The following ABI3BP variants were observed in gnomAD, a reference collection of about 807,000 sequenced individuals.
The protein encoded by ABI3BP is target of Nesh-SH3.
In ABI3BP, 216 loss-of-function variants were observed where a neutral mutation model predicts 268.6. That is an observed-to-expected ratio of 0.80 (90% CI 0.72 to 0.90). The LOEUF (loss-of-function observed/expected upper bound fraction) is 0.90, where lower values mean the gene tolerates loss of function less well. Ranked by LOEUF, ABI3BP falls within the 40% of genes least tolerant of loss-of-function variation. The pLI is 0.00. For missense variants in ABI3BP, 2,090 were observed against 2,182.4 expected (o/e 0.96, Z 0.84); for synonymous variants, 730 against 730.0 (o/e 1.00, Z 0.00).
chr3:100,949,790 G>T (rs1177619366), intron 1 of ABI3BP, among the ~76,000 whole-genome samples: 1 of 152,146 alleles, frequency 6.6e-6, no homozygotes, highest in Non-Finnish European at 1.5e-5. Context: ...ATCTGATCCT[G>T]TAAGGAGTGG....
intron 62 of ABI3BP, among the ~76,000 whole-genome samples, chr3:100,767,792 G>T (rs2096351693): frequency 6.6e-6 from 1 of 152,070 alleles, no homozygotes; most frequent in Non-Finnish European, 1.5e-5. Context: ...TCAACAGGTG[G>T]TACCTATTAT....
At chr3:100,946,333 C>G (rs2072251904) in intron 1 of ABI3BP, among the ~76,000 whole-genome samples, 1 of 142,646 alleles carries the variant, frequency 7.0e-6, no homozygotes, top group Non-Finnish European at 1.5e-5. Flanking sequence ...TCATGCCACA[C>G]ATTCCAGCTT....
intron 9 of ABI3BP, among the ~76,000 whole-genome samples, chr3:100,869,333 T>TTTTTTTTTTTTTTG: frequency 6.2e-5 from 1 of 16,076 alleles, no homozygotes; most frequent in African/African-American, 1.4e-4. Context: ...CTTTTTGGTT[T>TTTTTTTTTTTTTTG]TTTTTTTTTT....
intron 1 of ABI3BP, among the ~76,000 whole-genome samples, chr3:100,972,209 G>A (rs561145669): frequency 3.3e-5 from 5 of 152,276 alleles, no homozygotes; most frequent in African/African-American, 1.2e-4. Context: ...AAATTAAAGT[G>A]AGATAATTGT....
At chr3:100,847,484 G>A (rs2098783792) in intron 19 of ABI3BP, 118 bp downstream of exon 19, 2 of 900,300 alleles carry the variant, frequency 2.2e-6, no homozygotes, top group Non-Finnish European at 3.6e-6. Flanking sequence ...GGGCCATGCT[G>A]TTCAAATGAA....
At chr3:100,839,152 T>C (rs2098654462) in intron 24 of ABI3BP, among the ~76,000 whole-genome samples, 1 of 152,190 alleles carries the variant, frequency 6.6e-6, no homozygotes, top group Admixed American at 6.5e-5. Context: ...CATTATTTCA[T>C]GCAACTTTTT....
chr3:100,927,529 A>G (rs890573540), intron 1 of ABI3BP, among the ~76,000 whole-genome samples: 5 of 152,160 alleles, frequency 3.3e-5, no homozygotes, highest in Non-Finnish European at 7.4e-5. Context: ...CATGGTTCCT[A>G]AGGCTGTACA....
chr3:100,936,372 G>T (rs1474339665), intron 1 of ABI3BP, among the ~76,000 whole-genome samples: 1 of 152,014 alleles, frequency 6.6e-6, no homozygotes, highest in Admixed American at 6.6e-5. Flanking sequence ...GCTGGATTTG[G>T]TTTGCCAGTA....
At chr3:100,766,032 G>T (rs2149715434) in intron 62 of ABI3BP, 83 bp from the exon 63 acceptor site, 2 of 1,008,554 alleles carry the variant, frequency 2.0e-6, no homozygotes, top group Admixed American at 2.1e-5. Flanking sequence ...GCATAAAAAA[G>T]CCACTTACAT....
At chr3:100,862,264 A>T in intron 14 of ABI3BP, 47 bp downstream of exon 14, 1 of 1,262,178 alleles carries the variant, frequency 7.9e-7, no homozygotes, top group Non-Finnish European at 1.1e-6. Flanking sequence ...TAAGTTACTC[A>T]ATATTCCTTG....
chr3:100,945,443 A>G (rs899798330), intron 1 of ABI3BP: 6 of 213,796 alleles, frequency 2.8e-5, no homozygotes, highest in Admixed American at 5.7e-5. Context: ...ATCATAATCT[A>G]TATTCAGAAC....
chr3:100,795,873 G>T, intron 52 of ABI3BP, 22 bp from the exon 53 acceptor site: 1 of 1,277,494 alleles, frequency 7.8e-7, no homozygotes, highest in Non-Finnish European at 1.0e-6. Context: ...GCAAGCCAAA[G>T]GAACATATTT....
At chr3:100,808,131 T>G in intron 50 of ABI3BP, 30 bp downstream of exon 50, 1 of 1,595,012 alleles carries the variant, frequency 6.3e-7, no homozygotes, top group Non-Finnish European at 8.6e-7. Context: ...CCTCAAACTT[T>G]TCAAGCTAAA....
intron 58 of ABI3BP, among the ~76,000 whole-genome samples, chr3:100,779,414 C>A (rs930573954): frequency 2.6e-4 from 40 of 152,280 alleles, no homozygotes; most frequent in African/African-American, 8.9e-4. Context: ...TAAACAGGCA[C>A]CTTTTTATAA....
intron 31 of ABI3BP, 57 bp downstream of exon 31, chr3:100,832,207 A>T: frequency 6.8e-7 from 1 of 1,468,112 alleles, no homozygotes; most frequent in Admixed American, 2.0e-5. Flanking sequence ...CATAGAACTT[A>T]CAGTCCCAAC....
intron 1 of ABI3BP, among the ~76,000 whole-genome samples, chr3:100,954,980 T>C (rs1483949272): frequency 3.4e-5 from 1 of 29,672 alleles, no homozygotes; most frequent in East Asian, 7.5e-4. Flanking sequence ...TTTGTCTTTT[T>C]TTTTTTTTTT....
At chr3:100,966,923 C>T (rs536384166) in intron 1 of ABI3BP, among the ~76,000 whole-genome samples, 12 of 151,852 alleles carry the variant, frequency 7.9e-5, no homozygotes, top group Middle Eastern at 3.4e-3. Flanking sequence ...AATTTTAAAG[C>T]GCTAGAATTT....
chr3:100,768,329 C>A (rs1483358300), intron 62 of ABI3BP, among the ~76,000 whole-genome samples: 1 of 152,076 alleles, frequency 6.6e-6, no homozygotes, highest in Non-Finnish European at 1.5e-5. Flanking sequence ...ACCTCGTAAT[C>A]CGCCCACCTC....
intron 2 of ABI3BP, chr3:100,910,888 G>GT (rs1447479958): frequency 6.5e-6 from 1 of 153,930 alleles, no homozygotes; most frequent in Non-Finnish European, 1.4e-5. Context: ...GCTCAACATA[G>GT]TAAAAACAAT....
Sources: allele counts gnomAD v4.1 joint callset (sites outside exome capture counted in the v4.1 genomes callset), GRCh38; gene constraint gnomAD v4.1.1; transcripts MANE v1.5; gene names NCBI Gene and HGNC (gene_info 2026-07-23, HGNC 2026-07-21).